Variants in BPTF observed in about 807,000 individuals in gnomAD.
BPTF encodes the protein nucleosome-remodeling factor subunit BPTF.
In BPTF, 18 loss-of-function variants were observed where a neutral mutation model predicts 292.5. That is an observed-to-expected ratio of 0.06 (90% CI 0.04 to 0.09). The LOEUF (loss-of-function observed/expected upper bound fraction) is 0.09, where lower values mean the gene tolerates loss of function less well. Among genes scored for constraint, BPTF ranks in the 10% least tolerant of loss-of-function variants. The pLI, the probability that BPTF is intolerant of heterozygous loss-of-function variation, is 1.00. For synonymous variants in BPTF, 1,225 were observed against 1,251.9 expected, an observed-to-expected ratio of 0.98 and a Z score of 0.45; for missense variants, 2,726 against 3,498.7, an observed-to-expected ratio of 0.78 and a Z score of 5.57.
chr17:67,884,635 C>CTGTAGCCTG (rs2060635676), intron 4 of BPTF, among the ~76,000 whole-genome samples: 1 of 151,980 alleles, frequency 6.6e-6, no homozygotes, highest in Non-Finnish European at 1.5e-5. Context: ...AGGCTGGTCT[C>CTGTAGCCTG]GAACCCCTGA....
Position 67,891,619 on chromosome 17 carries a change from A to G in BPTF, c.1865-225A>G, listed in dbSNP as rs1171228817. The stretch of plus-strand genomic sequence containing the variant: ...TAAACAGATAACCCAGCATGTTTCA[A>G]TTTTTTGTGGAATAATAGATGACTC... On this transcript the variant is annotated intron_variant, in intron 4 of 27. Transcript: ENST00000306378. The G allele has an allele frequency of 1.7e-5, 6 of 359,784 alleles. No individual in the cohort carries two copies. In the Admixed American group the frequency reaches 2.3e-4, roughly 14 times the overall value. The allele number at this position is 359,784 out of a possible 1,614,324, so 22.3% of individuals were successfully genotyped here. A position where few individuals can be genotyped will look rare whatever the true frequency, so the allele number is the denominator to read the frequency against.
intron 26 of BPTF, among the ~76,000 whole-genome samples, chr17:67,969,881 G>A (rs965369589): frequency 6.6e-6 from 1 of 152,070 alleles, no homozygotes; most frequent in South Asian, 2.1e-4. Context: ...AGCCAAGATC[G>A]CACCATTGCA....
At chr17:67,904,069 C>G (rs911066211) in intron 8 of BPTF, 151 bp downstream of exon 8, 6 of 774,782 alleles carry the variant, frequency 7.7e-6, no homozygotes, top group Non-Finnish European at 7.6e-6. Flanking sequence ...CGCTCTGTTG[C>G]CCAGATTGGA....
chr17:67,868,389 T>TC (rs2145530139), intron 3 of BPTF, among the ~76,000 whole-genome samples: 1 of 152,298 alleles, frequency 6.6e-6, no homozygotes, highest in African/African-American at 2.4e-5. Flanking sequence ...AGGGATTGCT[T>TC]CCAGAGCCCT....
intron 1 of BPTF, among the ~76,000 whole-genome samples, chr17:67,845,552 T>C (rs1275756827): frequency 2.0e-5 from 3 of 151,960 alleles, no homozygotes; most frequent in Non-Finnish European, 4.4e-5. Flanking sequence ...GGTGGGAGGA[T>C]TGTGTGAGCC....
chr17:67,919,549 T>A (rs560267204), intron 12 of BPTF, among the ~76,000 whole-genome samples: 335 of 151,774 alleles, frequency 2.2e-3, no homozygotes, highest in African/African-American at 7.5e-3. Context: ...TTAAAAAAAA[T>A]TTTTTTTTCA....
chr17:67,981,535 G>A (rs1486220636), intron 27 of BPTF: 2 of 1,101,400 alleles, frequency 1.8e-6, no homozygotes, highest in Non-Finnish European at 2.2e-6. Flanking sequence ...ATTCAAAATT[G>A]CCCCCCAAAA....
At chr17:67,895,785 A>G (rs1028831641) in intron 7 of BPTF, among the ~76,000 whole-genome samples, 42 of 152,284 alleles carry the variant, frequency 2.8e-4, no homozygotes, top group African/African-American at 9.4e-4. Flanking sequence ...AGTGGTTGCT[A>G]TAACCATTTT....
At chr17:67,869,211 C>T (rs1249259880) in intron 3 of BPTF, among the ~76,000 whole-genome samples, 1 of 151,968 alleles carries the variant, frequency 6.6e-6, no homozygotes, top group Non-Finnish European at 1.5e-5. Context: ...CATCTTTAGT[C>T]CTCTAAAAGG....
Position 67,959,818 on chromosome 17 carries a change from A to C in BPTF, c.8204A>C (p.Glu2735Ala). ...KKKMISTTSK[E>A]TKKDTKLYCI... ...AAAATGATCTCTACTACCTCAAAGG[A>C]AACTAAGAAGGACACAAAGCTTTAC... The change falls in exon 24 of 28, where the codon GAA becomes GCA. Residue 2735 changes from glutamate (E) to alanine (A), a missense_variant. By Grantham distance (107) the Glu-to-Ala change is moderately radical. Coordinates refer to ENST00000306378, the MANE Select transcript of BPTF (RefSeq NM_182641.4). 2 of 1,613,768 alleles carry C rather than the reference A, an allele frequency of 1.2e-6. No individual in the cohort carries two copies. The highest frequency in any genetic ancestry group is 2.2e-5 in the East Asian group (1 of 44,882).
Position 67,964,350 on chromosome 17 carries a change from G to A in BPTF, c.8400G>A (p.Thr2800=), listed in dbSNP as rs374290475. 52 of 1,614,062 alleles carry A rather than the reference G, an allele frequency of 3.2e-5. No homozygotes were observed. The highest frequency in any genetic ancestry group is 9.9e-5 in the South Asian group (9 of 91,092). ...CAGAGGATGCCATGACAGTGCTCAC[G>A]CCACTAACAGAGAAGGATTATGAGG... ...QSTEDAMTVL[T]PLTEKDYEGL... Residue 2800 remains threonine (T), a synonymous_variant, in exon 25 of 28, where the codon ACG becomes ACA. Transcript: ENST00000306378.
At chr17:67,838,859 T>A (rs1469561517) in intron 1 of BPTF, among the ~76,000 whole-genome samples, 1 of 152,266 alleles carries the variant, frequency 6.6e-6, no homozygotes, top group African/African-American at 2.4e-5. Context: ...TGAAATCAGA[T>A]TTTATCTTTG....
At chr17:67,918,681 G>C (rs2063221118) in intron 11 of BPTF, 33 bp from the exon 12 acceptor site, 3 of 1,569,420 alleles carry the variant, frequency 1.9e-6, no homozygotes, top group Non-Finnish European at 2.6e-6. Context: ...TATACATATA[G>C]ATATATATGG....
At chr17:67,924,004 G>A (rs2063658485) in intron 14 of BPTF, among the ~76,000 whole-genome samples, 1 of 149,620 alleles carries the variant, frequency 6.7e-6, no homozygotes, top group South Asian at 2.1e-4. Flanking sequence ...ACCACGCCTG[G>A]CTGTTTTTTT....
At chr17:67,961,624 A>G (rs2067498881) in intron 24 of BPTF, among the ~76,000 whole-genome samples, 1 of 152,134 alleles carries the variant, frequency 6.6e-6, no homozygotes, top group Admixed American at 6.5e-5. Context: ...AAGTGGGAGG[A>G]TCACTTGAGC....
intron 4 of BPTF, 28 bp from the exon 5 acceptor site, chr17:67,891,816 A>G (rs759027875): frequency 6.6e-7 from 1 of 1,512,910 alleles, no homozygotes; most frequent in South Asian, 1.3e-5. Flanking sequence ...ATTGTCAGCA[A>G]TTGCTTTGTG....
At chr17:67,869,444 C>G (rs2059577956) in intron 3 of BPTF, among the ~76,000 whole-genome samples, 1 of 152,052 alleles carries the variant, frequency 6.6e-6, no homozygotes, top group Non-Finnish European at 1.5e-5. Flanking sequence ...TGATAAATTT[C>G]ATTATGAATT....
rs1371899139 is a variant in BPTF, at chr17:67,966,728, T to A, written c.8539+72T>A. The A allele has an allele frequency of 2.2e-5, 28 of 1,272,310 alleles. 1 individual carries two copies. In the South Asian group the frequency reaches 4.8e-4, roughly 22 times the overall value. 78.8% of individuals were successfully genotyped at this position (1,272,310 alleles called of 1,614,324 possible). On this transcript the variant is annotated intron_variant, in intron 26 of 27. Coordinates refer to ENST00000306378, the MANE Select transcript of BPTF (RefSeq NM_182641.4). Reference sequence around the variant, plus strand: ...TGTTTTATTATCCATAAAATTAATATCTTAGAATATTTTTAGCAAGGCTGG... The same window carrying A: ...TGTTTTATTATCCATAAAATTAATAACTTAGAATATTTTTAGCAAGGCTGG...
At chr17:67,896,492 C>T (rs1321506857) in intron 7 of BPTF, among the ~76,000 whole-genome samples, 5 of 151,992 alleles carry the variant, frequency 3.3e-5, no homozygotes, top group African/African-American at 1.2e-4. Context: ...ACATAGACCC[C>T]TTGAATCTAA....
Sources: gnomAD v4.1 joint callset for allele counts (sites outside exome capture counted in the v4.1 genomes callset) on GRCh38, gnomAD v4.1.1 for gene constraint, MANE v1.5 for transcripts, NCBI Gene and HGNC (gene_info 2026-07-23, HGNC 2026-07-21) for gene names.